CTNNA2: variants seen among roughly 807,000 people sequenced by gnomAD.
The protein encoded by CTNNA2 is catenin alpha-2.
In CTNNA2, 42 loss-of-function variants were observed where a neutral mutation model predicts 101.0. The ratio of observed to expected loss-of-function variants is 0.42; its 90% CI spans 0.32 to 0.54. CTNNA2 has a LOEUF of 0.54. Ranked by LOEUF, CTNNA2 falls within the 20% of genes least tolerant of loss-of-function variation. The probability of loss-of-function intolerance (pLI) is 0.14; values close to 1 mark genes in which losing one functional copy is unlikely to be tolerated. For missense variants in CTNNA2, 871 were observed against 1,223.1 expected, an observed-to-expected ratio of 0.71 and a Z score of 4.29; for synonymous variants, 450 against 456.4, an observed-to-expected ratio of 0.99 and a Z score of 0.18.
At chr2:80,414,864 G>A (rs1679902254) in intron 8 of CTNNA2, among the ~76,000 whole-genome samples, 1 of 152,066 alleles carries the variant, frequency 6.6e-6, no homozygotes, top group African/African-American at 2.4e-5. Context: ...TTATACTGTG[G>A]AATAATCACC....
intron 7 of CTNNA2, among the ~76,000 whole-genome samples, chr2:80,095,622 C>A (rs1358655969): frequency 6.6e-6 from 1 of 152,162 alleles, no homozygotes; most frequent in African/African-American, 2.4e-5. Flanking sequence ...GGCTGTGAAT[C>A]CGTCTGGTCC....
rs576691304 is a variant in CTNNA2 at position 79,458,502 on chromosome 2, A to C, written c.-134-46552A>C. On this transcript the variant is annotated intron_variant, in intron 4 of 21. Transcript: ENST00000466387. ...TTCATTAGAAACACTTGGAAGCTAT[A>C]TAACAAAATTCTTCCACTCACTTAT... is the stretch of plus-strand genomic sequence containing the variant. Among the ~76,000 whole-genome samples the C allele has an allele frequency of 6.6e-4, 101 of 152,258 alleles. No homozygotes were observed. The South Asian group carries it at 9.9e-3, about 15-fold the overall frequency.
chr2:79,850,781 T>C (rs185105550), intron 3 of CTNNA2, among the ~76,000 whole-genome samples: 21 of 152,252 alleles, frequency 1.4e-4, no homozygotes, highest in Middle Eastern at 3.4e-3. Context: ...TTCTCTTCAG[T>C]AGTAAAAGAG....
chr2:79,263,938 T>G (rs1674956375), intron 2 of CTNNA2, among the ~76,000 whole-genome samples: 1 of 152,204 alleles, frequency 6.6e-6, no homozygotes, highest in Admixed American at 6.5e-5. Context: ...GGATCTATAC[T>G]TTTCAAAATC....
At chr2:80,394,634 G>T (rs912174187) in intron 8 of CTNNA2, among the ~76,000 whole-genome samples, 4 of 152,154 alleles carry the variant, frequency 2.6e-5, no homozygotes, top group African/African-American at 7.2e-5. Context: ...ATGGAGGTTA[G>T]TTGAAAACGC....
chr2:79,878,643 G>A (rs1253991804), intron 6 of CTNNA2, among the ~76,000 whole-genome samples: 1 of 152,168 alleles, frequency 6.6e-6, no homozygotes, highest in African/African-American at 2.4e-5. Flanking sequence ...TTTGAGAAGT[G>A]TCTGTTCATA....
intron 2 of CTNNA2, among the ~76,000 whole-genome samples, chr2:79,739,526 A>G (rs1044872475): frequency 2.0e-5 from 3 of 152,200 alleles, no homozygotes; most frequent in Non-Finnish European, 4.4e-5. Flanking sequence ...CTTATGATGA[A>G]TGTTTAAGAA....
At chr2:80,368,774 CAA>C (rs542151462) in intron 7 of CTNNA2, among the ~76,000 whole-genome samples, 17 of 86,100 alleles carry the variant, frequency 2.0e-4, no homozygotes, top group Admixed American at 5.0e-4. Context: ...CCATTTTTAG[CAA>C]AAAAAAAAAG....
chr2:79,766,486 A>G (rs1673167546), intron 3 of CTNNA2, among the ~76,000 whole-genome samples: 1 of 151,990 alleles, frequency 6.6e-6, no homozygotes, highest in African/African-American at 2.4e-5. Context: ...GACAGATTTG[A>G]TTGTTAAATG....
intron 1 of CTNNA2, among the ~76,000 whole-genome samples, chr2:79,594,269 T>G (rs779187926): frequency 6.6e-6 from 1 of 152,146 alleles, no homozygotes; most frequent in Non-Finnish European, 1.5e-5. Flanking sequence ...TGCCATCCAC[T>G]TCCACTGGAT....
At chr2:80,497,076 G>A (rs1559158025) in intron 9 of CTNNA2, among the ~76,000 whole-genome samples, 1 of 152,176 alleles carries the variant, frequency 6.6e-6, no homozygotes. Flanking sequence ...TTCCTTTGAA[G>A]TAGAGCCCGA....
At chr2:80,433,057 G>A (rs1262786351) in intron 9 of CTNNA2, among the ~76,000 whole-genome samples, 1 of 152,000 alleles carries the variant, frequency 6.6e-6, no homozygotes. Context: ...AGCCTGTGAT[G>A]GGACCTATCC....
At chr2:79,934,107 AG>A (rs1457579783) in intron 7 of CTNNA2, among the ~76,000 whole-genome samples, 1 of 152,228 alleles carries the variant, frequency 6.6e-6, no homozygotes, top group African/African-American at 2.4e-5. Context: ...ATAATTTCTA[AG>A]GTTGAGCTTT....
At chr2:80,096,989 G>T (rs1311840934) in intron 7 of CTNNA2, among the ~76,000 whole-genome samples, 2 of 149,938 alleles carry the variant, frequency 1.3e-5, no homozygotes, top group Non-Finnish European at 3.0e-5. Context: ...TTTAATTGGA[G>T]CATTTAGCCC....
chr2:80,076,532 C>G (rs929621852), intron 7 of CTNNA2, among the ~76,000 whole-genome samples: 4 of 151,758 alleles, frequency 2.6e-5, no homozygotes, highest in African/African-American at 9.7e-5. Flanking sequence ...ATCCTCCTGC[C>G]TTGGCGTCCC....
intron 4 of CTNNA2, among the ~76,000 whole-genome samples, chr2:79,440,014 G>A (rs763620422): frequency 3.3e-5 from 5 of 151,648 alleles, no homozygotes; most frequent in Non-Finnish European, 5.9e-5. Context: ...TCATTATAAG[G>A]CATATTACTT....
At chr2:80,581,562 A>G in intron 13 of CTNNA2, 144 bp from the exon 14 acceptor site, 2 of 560,784 alleles carry the variant, frequency 3.6e-6, no homozygotes, top group Non-Finnish European at 6.5e-6. Context: ...TCCGGCTAAT[A>G]CTCACCCACA....
At chr2:80,381,950 A>G (rs1676551244) in intron 7 of CTNNA2, among the ~76,000 whole-genome samples, 1 of 152,230 alleles carries the variant, frequency 6.6e-6, no homozygotes. Flanking sequence ...GGGTATATAC[A>G]TCTTAATCCT....
At chr2:79,291,176 A>G (rs1330087084) in intron 2 of CTNNA2, among the ~76,000 whole-genome samples, 1 of 152,212 alleles carries the variant, frequency 6.6e-6, no homozygotes, top group East Asian at 1.9e-4. Flanking sequence ...CCCTTAAACC[A>G]TGAATTCTTG....
Sources: allele counts gnomAD v4.1 joint callset (sites outside exome capture counted in the v4.1 genomes callset), GRCh38; gene constraint gnomAD v4.1.1; transcripts MANE v1.5; gene names NCBI Gene and HGNC (gene_info 2026-07-23, HGNC 2026-07-21).